The following GRIK2 variants were observed in gnomAD, a reference collection of about 807,000 sequenced individuals.
GRIK2 encodes glutamate receptor ionotropic, kainate 2.
In GRIK2, 32 loss-of-function variants were observed where a neutral mutation model predicts 100.3. The ratio of observed to expected loss-of-function variants is 0.32; its 90% CI spans 0.24 to 0.43. The LOEUF (loss-of-function observed/expected upper bound fraction) is 0.43, where lower values mean the gene tolerates loss of function less well. Among genes scored for constraint, GRIK2 ranks in the 20% least tolerant of loss-of-function variants. GRIK2 has a pLI of 1.00. For missense variants in GRIK2, 843 were observed against 1,114.9 expected, an observed-to-expected ratio of 0.76 and a Z score of 3.47; for synonymous variants, 417 against 389.4, an observed-to-expected ratio of 1.07 and a Z score of -0.83.
intron 12 of GRIK2, among the ~76,000 whole-genome samples, chr6:101,919,757 G>T (rs1486996132): frequency 6.6e-6 from 1 of 151,648 alleles, no homozygotes; most frequent in Non-Finnish European, 1.5e-5. Flanking sequence ...TCAAAGGGAA[G>T]GCATCATTCA....
chr6:101,862,701 C>T lies in GRIK2; in HGVS notation c.1524+3208C>T, dbSNP rs528695682. 1.6e-4 allele frequency among the ~76,000 whole-genome samples: 25 copies of T among 152,014 alleles called. No homozygotes were observed. In the South Asian group the frequency reaches 2.1e-3, roughly 13 times the overall value. On this transcript the variant is annotated intron_variant, in intron 11 of 16. Coordinates refer to ENST00000369134, the MANE Select transcript of GRIK2 (RefSeq NM_021956.5). The stretch of plus-strand genomic sequence containing the variant: ...TAGCCTCTGGAGTAACTGGGATTAT[C>T]GACATGAGCCACTGTGCCTGGCTTC...
intron 7 of GRIK2, among the ~76,000 whole-genome samples, chr6:101,688,419 T>G (rs1220595453): frequency 6.6e-6 from 1 of 151,872 alleles, no homozygotes; most frequent in African/African-American, 2.4e-5. Context: ...AAGTAATCCC[T>G]AATTTGTGGC....
At chr6:101,409,613 T>C (rs1775783454) in intron 2 of GRIK2, among the ~76,000 whole-genome samples, 1 of 152,110 alleles carries the variant, frequency 6.6e-6, no homozygotes, top group Non-Finnish European at 1.5e-5. Flanking sequence ...ATTTTACTCT[T>C]GATTTTGTCA....
chr6:101,975,061 A>G (rs1294840895), intron 14 of GRIK2, among the ~76,000 whole-genome samples: 1 of 152,016 alleles, frequency 6.6e-6, no homozygotes, highest in African/African-American at 2.4e-5. Context: ...TCTTTTATAT[A>G]GGAAGCACAA....
At chr6:101,828,334 T>A (rs943148525) in intron 10 of GRIK2, among the ~76,000 whole-genome samples, 1 of 151,706 alleles carries the variant, frequency 6.6e-6, no homozygotes. Context: ...GATAGAAAGA[T>A]CTCAAATTAA....
At chr6:101,613,480 T>C (rs530602919) in intron 2 of GRIK2, among the ~76,000 whole-genome samples, 4 of 151,782 alleles carry the variant, frequency 2.6e-5, no homozygotes, top group Non-Finnish European at 5.9e-5. Flanking sequence ...GATGATAGAA[T>C]TAGGCCCCAA....
chr6:101,423,786 A>C (rs1267866399), intron 2 of GRIK2, among the ~76,000 whole-genome samples: 2 of 152,142 alleles, frequency 1.3e-5, no homozygotes, highest in African/African-American at 4.8e-5. Context: ...CCCATATTGA[A>C]CTACCTTATG....
At chr6:101,912,092 A>G (rs1788748321) in intron 12 of GRIK2, among the ~76,000 whole-genome samples, 1 of 20,516 alleles carries the variant, frequency 4.9e-5, no homozygotes. Context: ...ACACAAACAC[A>G]CACACACAAA....
intron 7 of GRIK2, among the ~76,000 whole-genome samples, chr6:101,711,399 A>G (rs1773685109): frequency 6.6e-6 from 1 of 151,764 alleles, no homozygotes; most frequent in African/African-American, 2.4e-5. Context: ...AGATACAAAA[A>G]TTCATGATTT....
chr6:101,705,537 T>C (rs1773208808), intron 7 of GRIK2, among the ~76,000 whole-genome samples: 1 of 151,918 alleles, frequency 6.6e-6, no homozygotes, highest in Admixed American at 6.6e-5. Context: ...TTTTGTAAGA[T>C]ACAAGTGTTA....
At chr6:101,761,168 C>T (rs1239209506) in intron 7 of GRIK2, among the ~76,000 whole-genome samples, 4 of 152,110 alleles carry the variant, frequency 2.6e-5, no homozygotes. Context: ...TCTTTTCAAG[C>T]ATACCTGTAC....
At position 101,710,206 on chromosome 6, in the gene GRIK2, A is replaced by G. The variant is rs1054029399; in HGVS notation, c.951+23853A>G. Among the ~76,000 whole-genome samples, 4 of 151,912 alleles carry G rather than the reference A, an allele frequency of 2.6e-5. No homozygotes were observed. In the East Asian group the frequency reaches 5.9e-4, roughly 22 times the overall value. ...TCAAATAGAATGCATTGTAAATGTC[A>G]TCTCCTGTGATGACAAGGCAGTTGT... On this transcript the variant is annotated intron_variant, in intron 7 of 16. Coordinates refer to ENST00000369134, the MANE Select transcript of GRIK2 (RefSeq NM_021956.5).
chr6:101,920,140 T>A lies in GRIK2; in HGVS notation c.1749-4461T>A, dbSNP rs917996992. ...GAAACCAGGCTGTGATAAGTATGACTTGACCCTCTTCATTTTATAAATATG... is the reference window on the plus strand; with the variant it reads ...GAAACCAGGCTGTGATAAGTATGACATGACCCTCTTCATTTTATAAATATG... On this transcript the variant is annotated intron_variant, in intron 12 of 16. Coordinates refer to ENST00000369134, the MANE Select transcript of GRIK2 (RefSeq NM_021956.5). 7.2e-5 allele frequency among the ~76,000 whole-genome samples: 11 copies of A among 152,070 alleles called. No homozygotes were observed. In the East Asian group the frequency reaches 1.9e-3, roughly 27 times the overall value.
At position 101,545,213 on chromosome 6, in the gene GRIK2, A is replaced by G. The variant is rs10440859; in HGVS notation, c.116-76736A>G. 8.3e-3 allele frequency among the ~76,000 whole-genome samples: 1,269 copies of G among 152,278 alleles called. 18 individuals are homozygous for G. Among genetic ancestry groups the G allele is most frequent in the African/African-American group, 0.029 (1,194 of 41,548 alleles). On this transcript the variant is annotated intron_variant, in intron 2 of 16. Transcript: ENST00000369134. ...CACTGGGGAGATGCTTATGGAGAAT[A>G]TGCCTTTTTTCTGACTGCTTAAGTA...
chr6:101,439,571 AC>A (rs1769931327), intron 2 of GRIK2, among the ~76,000 whole-genome samples: 1 of 152,162 alleles, frequency 6.6e-6, no homozygotes, highest in Non-Finnish European at 1.5e-5. Context: ...GATTCTAAAG[AC>A]ATGGGACTTT....
chr6:101,462,156 T>C (rs1771344582), intron 2 of GRIK2, among the ~76,000 whole-genome samples: 1 of 152,182 alleles, frequency 6.6e-6, no homozygotes, highest in South Asian at 2.1e-4. Flanking sequence ...GTTAGAATTA[T>C]TAGGGCCTAA....
chr6:101,593,214 A>C (rs1258145906), intron 2 of GRIK2, among the ~76,000 whole-genome samples: 1 of 151,862 alleles, frequency 6.6e-6, no homozygotes, highest in Non-Finnish European at 1.5e-5. Flanking sequence ...TCACTGATAG[A>C]TAATTTCCAG....
intron 4 of GRIK2, among the ~76,000 whole-genome samples, chr6:101,671,074 A>G (rs1267346083): frequency 6.6e-6 from 1 of 152,142 alleles, no homozygotes; most frequent in African/African-American, 2.4e-5. Flanking sequence ...TATTTTCTTT[A>G]TTCACCTAGG....
intron 2 of GRIK2, among the ~76,000 whole-genome samples, chr6:101,481,954 T>G (rs1380438001): frequency 1.3e-5 from 2 of 152,186 alleles, no homozygotes; most frequent in Non-Finnish European, 2.9e-5. Context: ...TTCTCCTTCC[T>G]GCTGCCCTGT....
Sources: allele counts gnomAD v4.1 joint callset (sites outside exome capture counted in the v4.1 genomes callset), GRCh38; gene constraint gnomAD v4.1.1; transcripts MANE v1.5; gene names NCBI Gene and HGNC (gene_info 2026-07-23, HGNC 2026-07-21).